The following CREB5 variants were observed in gnomAD, a reference collection of about 807,000 sequenced individuals.
CREB5 encodes cyclic AMP-responsive element-binding protein 5.
A neutral mutation model predicts 57.1 loss-of-function variants in CREB5; 19 were observed. The observed-to-expected ratio is 0.33, with a 90% CI of 0.23 to 0.49. The LOEUF (loss-of-function observed/expected upper bound fraction) is 0.49, where lower values mean the gene tolerates loss of function less well. Among genes scored for constraint, CREB5 ranks in the 20% least tolerant of loss-of-function variants. The pLI is 0.99. For synonymous variants in CREB5, 238 were observed against 238.3 expected (o/e 1.00, Z 0.01); for missense variants, 579 against 671.6 (o/e 0.86, Z 1.52).
At chr7:28,682,642 A>C (rs1157002450) in intron 5 of CREB5, among the ~76,000 whole-genome samples, 1 of 148,670 alleles carries the variant, frequency 6.7e-6, no homozygotes, top group Non-Finnish European at 1.5e-5. Context: ...AAAGAAGATG[A>C]TATACTTTTC....
chr7:28,567,648 A>G (rs1795534874), intron 4 of CREB5, among the ~76,000 whole-genome samples: 1 of 152,248 alleles, frequency 6.6e-6, no homozygotes, highest in Admixed American at 6.5e-5. Context: ...GAGTGTGGGC[A>G]GGAAAGGTTT....
intron 5 of CREB5, among the ~76,000 whole-genome samples, chr7:28,658,955 A>ATATATATATATATATATATATGTGTG (rs1554281544): frequency 4.4e-4 from 21 of 47,534 alleles, no homozygotes; most frequent in East Asian, 3.2e-3. Context: ...GTGTGTGTGT[A>ATATATATATATATATATATATGTGTG]TATATATATA....
intron 4 of CREB5, among the ~76,000 whole-genome samples, chr7:28,551,277 T>G (rs982349598): frequency 2.0e-5 from 3 of 152,284 alleles, no homozygotes; most frequent in Admixed American, 6.5e-5. Context: ...TTATCTTTGG[T>G]GTTGTTGAAA....
chr7:28,606,839 C>T (rs1258895161), intron 5 of CREB5, among the ~76,000 whole-genome samples: 8 of 152,190 alleles, frequency 5.3e-5, no homozygotes. Flanking sequence ...TTTTAATTGA[C>T]ATGTAATTTT....
At chr7:28,383,783 C>T (rs1787018919) in intron 1 of CREB5, among the ~76,000 whole-genome samples, 1 of 152,178 alleles carries the variant, frequency 6.6e-6, no homozygotes, top group African/African-American at 2.4e-5. Flanking sequence ...GGTGGGGACA[C>T]AGATCCAAAC....
chr7:28,627,147 CT>C lies in CREB5; in HGVS notation c.464+56618del, dbSNP rs201929598. The stretch of plus-strand genomic sequence containing the variant: ...TAATTAAGATGGTGGTTCATATAAT[CT>C]TTTTTTTCCCTGTCTTCTACCGTGG... On this transcript the variant is annotated intron_variant, in intron 5 of 10. Transcript: ENST00000357727. 2.4e-3 allele frequency among the ~76,000 whole-genome samples: 358 copies of C among 152,256 alleles called. 1 individual carries two copies. Among genetic ancestry groups the C allele is most frequent in the African/African-American group, 8.0e-3 (332 of 41,550 alleles).
intron 5 of CREB5, among the ~76,000 whole-genome samples, chr7:28,622,802 C>A (rs1339676258): frequency 6.6e-6 from 1 of 152,106 alleles, no homozygotes; most frequent in African/African-American, 2.4e-5. Flanking sequence ...AAAAGGATCA[C>A]TTCAGCCCAT....
chr7:28,555,719 G>A lies in CREB5; in HGVS notation c.292-14646G>A, dbSNP rs1699513898. Among the ~76,000 whole-genome samples, 2 of 152,072 alleles carry A rather than the reference G, an allele frequency of 1.3e-5. 1 individual carries two copies. Among genetic ancestry groups the A allele is most frequent in the Admixed American group, 1.3e-4 (2 of 15,272 alleles). ...AACTATCATTAGCATAAGAACATAA[G>A]CATCATCACAAAGGGAAAGTTACAA... On this transcript the variant is annotated intron_variant, in intron 4 of 10. Transcript: ENST00000357727.
At chr7:28,737,578 TATATATATA>T (rs1562606873) in intron 7 of CREB5, among the ~76,000 whole-genome samples, 11 of 33,202 alleles carry the variant, frequency 3.3e-4, no homozygotes, top group East Asian at 5.6e-4. Flanking sequence ...TATATATATA[TATATATATA>T]TTTTTAACTC....
chr7:28,536,948 A>G lies in CREB5; in HGVS notation c.291+29211A>G, dbSNP rs575897532. Among the ~76,000 whole-genome samples the G allele has an allele frequency of 1.3e-4, 20 of 152,350 alleles. No individual in the cohort carries two copies. The South Asian group carries it at 3.9e-3, about 30-fold the overall frequency. ...TTTGCTTTTTTCCAAAAGTGGTACCACTGCTTAACCATGCTGATCCCCTAC... is the reference window on the plus strand; with the variant it reads ...TTTGCTTTTTTCCAAAAGTGGTACCGCTGCTTAACCATGCTGATCCCCTAC... On this transcript the variant is annotated intron_variant, in intron 4 of 10. Transcript: ENST00000357727.
rs552822141 is a variant in CREB5, at chr7:28,513,308, G to C, written c.291+5571G>C. On this transcript the variant is annotated intron_variant, in intron 4 of 10. Transcript: ENST00000357727. ...CTAACATGTTGCTTCTCTGATATTT[G>C]TGTAAAACAATCCTTCCCTCCCCCC... Among the ~76,000 whole-genome samples the C allele has an allele frequency of 3.3e-5, 5 of 152,306 alleles. No individual in the cohort carries two copies. In the South Asian group the frequency reaches 1.0e-3, roughly 32 times the overall value.
intron 1 of CREB5, among the ~76,000 whole-genome samples, chr7:28,391,979 G>C (rs1787225136): frequency 6.6e-6 from 1 of 152,150 alleles, no homozygotes; most frequent in East Asian, 1.9e-4. Flanking sequence ...GCAGGGACAT[G>C]GATGGAGCTG....
chr7:28,527,230 T>A (rs1016487729), intron 4 of CREB5, among the ~76,000 whole-genome samples: 5 of 152,306 alleles, frequency 3.3e-5, no homozygotes, highest in Admixed American at 3.3e-4. Flanking sequence ...AAAGACCAAC[T>A]CTTTGCCCAG....
At chr7:28,764,666 T>A (rs1805858529) in intron 7 of CREB5, among the ~76,000 whole-genome samples, 2 of 152,182 alleles carry the variant, frequency 1.3e-5, no homozygotes, top group African/African-American at 4.8e-5. Flanking sequence ...AAAGCTACTA[T>A]CTCCCTATGA....
At chr7:28,524,316 AACACACACACACACACACACAC>A (rs4000595) in intron 4 of CREB5, among the ~76,000 whole-genome samples, 15 of 136,574 alleles carry the variant, frequency 1.1e-4, no homozygotes, top group Non-Finnish European at 1.7e-4. Context: ...GCCTCTACTA[AACACACACACACACACACACAC>A]ACACACACAC....
chr7:28,622,474 C>T (rs977999547), intron 5 of CREB5, among the ~76,000 whole-genome samples: 3 of 152,038 alleles, frequency 2.0e-5, no homozygotes, highest in Non-Finnish European at 4.4e-5. Context: ...GTAGAAAGAA[C>T]AAAAAGAAAA....
intron 5 of CREB5, among the ~76,000 whole-genome samples, chr7:28,644,230 G>C (rs1798803956): frequency 6.6e-6 from 1 of 152,176 alleles, no homozygotes; most frequent in South Asian, 2.1e-4. Flanking sequence ...TAATGTAGCT[G>C]AGTGTCTTGG....
At chr7:28,420,493 C>G (rs1013761785) in intron 1 of CREB5, among the ~76,000 whole-genome samples, 6 of 152,158 alleles carry the variant, frequency 3.9e-5, no homozygotes, top group African/African-American at 1.4e-4. Context: ...CTTAGCACTA[C>G]TGAACTGTAT....
chr7:28,511,539 C>T (rs942849076), intron 4 of CREB5, among the ~76,000 whole-genome samples: 1 of 152,164 alleles, frequency 6.6e-6, no homozygotes, highest in East Asian at 1.9e-4. Flanking sequence ...GGCTGGAGCG[C>T]AGTGGTGCAA....
Sources: allele counts gnomAD v4.1 joint callset (sites outside exome capture counted in the v4.1 genomes callset), GRCh38; gene constraint gnomAD v4.1.1; transcripts MANE v1.5; gene names NCBI Gene and HGNC (gene_info 2026-07-23, HGNC 2026-07-21).